HRG: variants seen among roughly 807,000 people sequenced by gnomAD.
HRG encodes the protein histidine rich glycoprotein.
In HRG, 26 loss-of-function variants were observed where a neutral mutation model predicts 29.5. The ratio of observed to expected loss-of-function variants is 0.88; its 90% confidence interval spans 0.65 to 1.22. The LOEUF is 1.22. Among genes scored for constraint, HRG ranks in the 50% most tolerant of loss-of-function variants. HRG has a pLI of 0.00. For synonymous variants in HRG, 243 were observed against 240.4 expected (o/e 1.01, Z -0.10); for missense variants, 671 against 654.5 (o/e 1.03, Z -0.28).
At chr3:186,674,979 T>C in intron 5 of HRG, 110 bp from the exon 6 acceptor site, 1 of 781,218 alleles carries the variant, frequency 1.3e-6, no homozygotes, top group African/African-American at 1.7e-5. Context: ...CATATTACCC[T>C]GATTTTTCTA....
intron 5 of HRG, 34 bp downstream of exon 5, chr3:186,672,901 G>A: frequency 7.5e-7 from 1 of 1,331,580 alleles, no homozygotes; most frequent in Non-Finnish European, 1.1e-6. Context: ...TCGTTGACTA[G>A]AGTCACAGAG....
At chr3:186,672,921 A>T (rs1718850676) in intron 5 of HRG, 54 bp downstream of exon 5, 1 of 1,199,676 alleles carries the variant, frequency 8.3e-7, no homozygotes, top group South Asian at 1.2e-5. Flanking sequence ...GAAAAAAGAA[A>T]GAGAAGAAGG....
At chr3:186,673,277 TA>T in intron 5 of HRG, 1 of 300,646 alleles carries the variant, frequency 3.3e-6, no homozygotes, top group Non-Finnish European at 6.5e-6. Flanking sequence ...CTAATTTTTG[TA>T]TTTTTAGTAG....
intron 5 of HRG, chr3:186,673,630 G>A (rs894394381): frequency 1.5e-4 from 23 of 152,192 alleles, no homozygotes; most frequent in Admixed American, 3.9e-4. Context: ...AAGACCCTAC[G>A]CCAAGTGGTT....
rs1718792770 is a variant in HRG, at chr3:186,671,594, A to G, written c.392-29A>G. The G allele has an allele frequency of 3.7e-6, 6 of 1,609,426 alleles. No homozygotes were observed. In the African/African-American group the frequency reaches 4.0e-5, roughly 11 times the overall value. On this transcript the variant is annotated intron_variant, in intron 3 of 6. Coordinates refer to ENST00000232003, the MANE Select transcript of HRG (RefSeq NM_000412.5). ...CCACCATTAACATTTCCAGCCCTTT[A>G]CTGTGACACTGCTATCTTCTTTCTC... is the stretch of plus-strand genomic sequence containing the variant.
chr3:186,672,310 A>C (rs1718826016), intron 4 of HRG, among the ~76,000 whole-genome samples: 1 of 152,234 alleles, frequency 6.6e-6, no homozygotes, highest in Non-Finnish European at 1.5e-5. Flanking sequence ...CAAGTAAGGA[A>C]ATGAGTACCA....
intron 6 of HRG, among the ~76,000 whole-genome samples, chr3:186,675,717 G>C (rs1170203021): frequency 6.6e-6 from 1 of 151,624 alleles, no homozygotes; most frequent in African/African-American, 2.4e-5. Context: ...AGAAATCTTT[G>C]GTCTATTTTT....
chr3:186,671,748 G>T lies in HRG; in HGVS notation c.517G>T (p.Ala173Ser). 1.2e-6 allele frequency: 2 copies of T among 1,613,980 alleles called. No homozygotes were observed. The highest frequency in any genetic ancestry group is 1.7e-6 in the Non-Finnish European group (2 of 1,179,908). Reference protein sequence around the residue: ...EKYKEENDDFASFRVDRIERV... With the variant: ...EKYKEENDDFSSFRVDRIERV... Reference sequence around the variant, plus strand: ...GTACAAAGAGGAGAATGATGACTTTGCCTCTTTCAGAGTGGACCGAATCGA... The same window carrying T: ...GTACAAAGAGGAGAATGATGACTTTTCCTCTTTCAGAGTGGACCGAATCGA... The change falls in exon 4 of 7, where the codon GCC (alanine) becomes TCC (serine). Residue 173 changes from alanine (A) to serine (S), a missense_variant. Ala to Ser is a moderately conservative substitution (Grantham distance 99). Coordinates refer to ENST00000232003, the MANE Select transcript of HRG (RefSeq NM_000412.5).
chr3:186,671,682 A>G lies in HRG; in HGVS notation c.451A>G (p.Thr151Ala). Residue 151 changes from threonine to alanine, a missense_variant, in exon 4 of 7, where the codon ACT becomes GCT. Physicochemically the swap from Thr to Ala is moderately conservative, Grantham distance 58 (BLOSUM62 0). Coordinates refer to ENST00000232003, the MANE Select transcript of HRG (RefSeq NM_000412.5). ...SPVLIDFFED[T>A]ERYRKQANKA... is the part of the protein sequence containing the mutation. ...GGTCCTCATAGATTTCTTTGAGGAT[A>G]CTGAGCGCTACAGAAAACAAGCCAA... is the stretch of plus-strand genomic sequence containing the variant. The G allele has an allele frequency of 1.2e-6, 2 of 1,613,950 alleles. No individual in the cohort carries two copies. Among genetic ancestry groups the G allele is most frequent in the Non-Finnish European group, 1.7e-6 (2 of 1,179,810 alleles).
chr3:186,675,189 A>G lies in HRG; in HGVS notation c.740A>G (p.Gln247Arg), dbSNP rs1229953228. 1 of 1,607,736 alleles carries G rather than the reference A, an allele frequency of 6.2e-7. No individual in the cohort carries two copies. Among genetic ancestry groups the G allele is most frequent in the Non-Finnish European group, 8.5e-7 (1 of 1,174,326 alleles). Residue 247 changes from glutamine (Q) to arginine (R), a missense_variant and splice_region_variant, in exon 6 of 7, where the codon CAG becomes CGG. Gln to Arg is a conservative substitution (Grantham distance 43). Transcript: ENST00000232003. ...ATAAACTGTGAAGTCTTCGACCCTC[A>G]GGTGGGTTGTCTAAGCAGACTTTGT... Reference protein sequence around the residue: ...LVINCEVFDPQEHENINGVPP... With the variant: ...LVINCEVFDPREHENINGVPP...
Position 186,668,974 on chromosome 3 carries a change from G to A in HRG, c.223G>A (p.Glu75Lys). ...TVYYLVLDVQ[E>K]SDCSVLSRKY... ...ATATTACTTAGTCTTAGATGTGCAA[G>A]AATCGGACTGTTCGGTCCTATCCAG... is the stretch of plus-strand genomic sequence containing the variant. Residue 75 changes from glutamate (E) to lysine (K), a missense_variant, in exon 2 of 7, where the codon GAA becomes AAA. By Grantham distance (56) the Glu-to-Lys change is moderately conservative. Transcript: ENST00000232003. 1.2e-6 allele frequency: 2 copies of A among 1,612,020 alleles called. No homozygotes were observed. The highest frequency in any genetic ancestry group is 1.7e-6 in the Non-Finnish European group (2 of 1,178,086).
chr3:186,671,831 G>T, intron 4 of HRG, 42 bp downstream of exon 4: 3 of 1,563,944 alleles, frequency 1.9e-6, no homozygotes, highest in Non-Finnish European at 1.8e-6. Flanking sequence ...GAAGGCCCAG[G>T]CTCCAACCTG....
intron 6 of HRG, among the ~76,000 whole-genome samples, chr3:186,675,462 A>G (rs1718953352): frequency 1.3e-5 from 2 of 152,136 alleles, no homozygotes; most frequent in African/African-American, 4.8e-5. Flanking sequence ...TTACACAAAA[A>G]GTATGAAAAC....
intron 5 of HRG, chr3:186,673,207 G>A (rs181651805): frequency 8.8e-4 from 318 of 361,544 alleles, no homozygotes; most frequent in African/African-American, 6.0e-3. Context: ...GGGTTCAGGC[G>A]ATTCTCCTGC....
At position 186,671,761 on chromosome 3, in the gene HRG, T is replaced by C. The variant is rs1480388682; in HGVS notation, c.530T>C (p.Val177Ala). The change falls in exon 4 of 7, where the codon GTG (valine) becomes GCG (alanine). Residue 177 changes from valine to alanine, a missense_variant. Transcript: ENST00000232003. ...AATGATGACTTTGCCTCTTTCAGAG[T>C]GGACCGAATCGAGAGAGTTGCAAGA... ...EENDDFASFRVDRIERVARVR... is the reference protein window; with the variant it reads ...EENDDFASFRADRIERVARVR... 1 of 1,613,758 alleles carries C rather than the reference T, an allele frequency of 6.2e-7. No homozygotes were observed. The highest frequency in any genetic ancestry group is 1.3e-5 in the African/African-American group (1 of 74,924).
At chr3:186,676,767 C>CG (rs1173836481) in intron 6 of HRG, among the ~76,000 whole-genome samples, 1 of 151,858 alleles carries the variant, frequency 6.6e-6, no homozygotes, top group African/African-American at 2.4e-5. Context: ...GAGCAGAGAT[C>CG]GCACCACTGC....
chr3:186,675,393 T>C (rs12493926), intron 6 of HRG, among the ~76,000 whole-genome samples: 82,841 of 150,818 alleles, frequency 0.55, 23,284 homozygotes, highest in East Asian at 0.8. Flanking sequence ...CAGACAGACA[T>C]GCAAGAAAAA....
chr3:186,670,077 C>A, intron 3 of HRG, 49 bp downstream of exon 3: 1 of 935,326 alleles, frequency 1.1e-6, no homozygotes, highest in South Asian at 1.3e-5. Flanking sequence ...AATACAAATT[C>A]AATCATACAG....
rs982139154 is a variant in HRG at position 186,676,080 on chromosome 3, G to A, written c.741+890G>A. ...GAAGGGGTTTCTCCATGTTGGTCAG[G>A]TTGGTCTCAAACTCCTGACCTTAGG... On this transcript the variant is annotated intron_variant, in intron 6 of 6. Coordinates refer to ENST00000232003, the MANE Select transcript of HRG (RefSeq NM_000412.5). Among the ~76,000 whole-genome samples the A allele has an allele frequency of 2.0e-5, 3 of 152,016 alleles. No homozygotes were observed. In the South Asian group the frequency reaches 6.3e-4, roughly 32 times the overall value.
Sources: allele counts gnomAD v4.1 joint callset (sites outside exome capture counted in the v4.1 genomes callset), GRCh38; gene constraint gnomAD v4.1.1; transcripts MANE v1.5; gene names NCBI Gene and HGNC (gene_info 2026-07-23, HGNC 2026-07-21).